NELL1: variants seen among roughly 807,000 people sequenced by gnomAD.
NELL1 encodes protein kinase C-binding protein NELL1.
NELL1 carries 76 observed loss-of-function variants against 107.4 expected under a neutral mutation model. That is an observed-to-expected ratio of 0.71 (90% CI 0.59 to 0.86). The LOEUF is 0.86. Ranked by LOEUF, NELL1 falls within the 40% of genes least tolerant of loss-of-function variation. NELL1 has a pLI of 0.00. For missense variants in NELL1, 1,024 were observed against 1,005.5 expected (o/e 1.02, Z -0.25); for synonymous variants, 353 against 341.2 (o/e 1.03, Z -0.38).
At chr11:21,030,486 C>T (rs1260930847) in intron 12 of NELL1, among the ~76,000 whole-genome samples, 1 of 152,142 alleles carries the variant, frequency 6.6e-6, no homozygotes, top group African/African-American at 2.4e-5. Flanking sequence ...TTTTCAGTTA[C>T]ATATTGGAGG....
chr11:21,275,724 T>C (rs1398835620), intron 14 of NELL1, among the ~76,000 whole-genome samples: 1 of 152,200 alleles, frequency 6.6e-6, no homozygotes, highest in Non-Finnish European at 1.5e-5. Context: ...GCTTCATCTC[T>C]GGGATGCAAG....
intron 15 of NELL1, among the ~76,000 whole-genome samples, chr11:21,460,239 T>C (rs1352180945): frequency 6.6e-6 from 1 of 151,976 alleles, no homozygotes; most frequent in African/African-American, 2.4e-5. Flanking sequence ...TAAATGTTTG[T>C]TGATTGGAAG....
At chr11:20,850,471 T>G (rs751902933) in intron 4 of NELL1, among the ~76,000 whole-genome samples, 2 of 152,248 alleles carry the variant, frequency 1.3e-5, no homozygotes, top group Non-Finnish European at 2.9e-5. Flanking sequence ...ATACTCATTC[T>G]ATTAGTTTTT....
At chr11:21,275,602 G>A (rs896476890) in intron 14 of NELL1, among the ~76,000 whole-genome samples, 1 of 152,168 alleles carries the variant, frequency 6.6e-6, no homozygotes, top group African/African-American at 2.4e-5. Context: ...AACAAAAAAA[G>A]AGAATTTTAG....
chr11:21,537,794 AT>A (rs1259620334), intron 16 of NELL1, among the ~76,000 whole-genome samples: 7 of 152,092 alleles, frequency 4.6e-5, no homozygotes, highest in Non-Finnish European at 8.8e-5. Flanking sequence ...TTTATTTTCT[AT>A]TTTGTTTGAT....
At chr11:20,981,652 T>G (rs1260005112) in intron 12 of NELL1, among the ~76,000 whole-genome samples, 1 of 152,178 alleles carries the variant, frequency 6.6e-6, no homozygotes, top group African/African-American at 2.4e-5. Context: ...CCTAAAACAT[T>G]TGCCTTGGCC....
intron 3 of NELL1, among the ~76,000 whole-genome samples, chr11:20,839,727 C>T (rs901324645): frequency 6.6e-6 from 1 of 152,194 alleles, no homozygotes; most frequent in African/African-American, 2.4e-5. Context: ...GGATTGATCA[C>T]AAGATATCTG....
intron 4 of NELL1, 104 bp downstream of exon 4, chr11:20,847,857 C>G: frequency 8.3e-7 from 1 of 1,209,906 alleles, no homozygotes; most frequent in Non-Finnish European, 1.1e-6. Flanking sequence ...GAAACAAACA[C>G]CAAGGGACCC....
chr11:20,882,381 A>G (rs780637048), intron 4 of NELL1, among the ~76,000 whole-genome samples: 5 of 152,168 alleles, frequency 3.3e-5, no homozygotes, highest in African/African-American at 1.2e-4. Flanking sequence ...GTTTACATAC[A>G]TTATGGACCT....
chr11:21,538,010 A>G (rs1243515518), intron 16 of NELL1, among the ~76,000 whole-genome samples: 1 of 152,174 alleles, frequency 6.6e-6, no homozygotes, highest in Non-Finnish European at 1.5e-5. Flanking sequence ...GATCTTAATA[A>G]CATAGCTTAA....
chr11:21,001,537 A>T (rs1852221087), intron 12 of NELL1, among the ~76,000 whole-genome samples: 1 of 151,790 alleles, frequency 6.6e-6, no homozygotes, highest in Non-Finnish European at 1.5e-5. Context: ...CTGGAGTTAC[A>T]TTCCAGATAT....
chr11:21,060,460 A>G (rs532225714), intron 12 of NELL1, among the ~76,000 whole-genome samples: 3 of 151,782 alleles, frequency 2.0e-5, no homozygotes, highest in African/African-American at 7.3e-5. Flanking sequence ...ATTATGGGGG[A>G]TTGTCTTTGT....
intron 12 of NELL1, among the ~76,000 whole-genome samples, chr11:20,970,083 C>CCATCCATCCATCCATCTATT (rs1851467705): frequency 6.6e-6 from 1 of 151,878 alleles, no homozygotes; most frequent in South Asian, 2.1e-4. Flanking sequence ...ATCCATCCAT[C>CCATCCATCCATCCATCTATT]CATCCATCCA....
intron 12 of NELL1, among the ~76,000 whole-genome samples, chr11:21,103,680 G>A (rs1854877978): frequency 6.6e-6 from 1 of 152,188 alleles, no homozygotes; most frequent in African/African-American, 2.4e-5. Context: ...CTTACATCTT[G>A]TTTACTCTTG....
intron 14 of NELL1, among the ~76,000 whole-genome samples, chr11:21,366,232 C>T (rs555258203): frequency 2.0e-4 from 30 of 152,106 alleles, no homozygotes; most frequent in African/African-American, 5.3e-4. Flanking sequence ...AGAAGAAGGC[C>T]GACTTATCCG....
Position 21,575,066 on chromosome 11 carries a change from C to G in NELL1, c.*44C>G, listed in dbSNP as rs1449863534. 2.0e-6 allele frequency: 3 copies of G among 1,492,474 alleles called. No homozygotes were observed. Among genetic ancestry groups the G allele is most frequent in the East Asian group, 4.6e-5 (2 of 43,898 alleles). The allele number at this position is 1,492,474 out of a possible 1,614,324, so 92.5% of individuals were successfully genotyped here. A position where few individuals can be genotyped will look rare whatever the true frequency, so the allele number is the denominator to read the frequency against. Reference sequence around the variant, plus strand: ...AACGCAGAAGAATGGACGAAATGACCATCCAACGTGATTAAGGATAGGAAT... The same window carrying G: ...AACGCAGAAGAATGGACGAAATGACGATCCAACGTGATTAAGGATAGGAAT... On this transcript the variant is annotated 3_prime_UTR_variant, in exon 20 of 20. Transcript: ENST00000357134.
At chr11:21,255,932 A>T (rs1457908599) in intron 14 of NELL1, among the ~76,000 whole-genome samples, 1 of 151,886 alleles carries the variant, frequency 6.6e-6, no homozygotes, top group African/African-American at 2.4e-5. Flanking sequence ...TTCTTTTTAA[A>T]TTCCTTTAGC....
intron 14 of NELL1, among the ~76,000 whole-genome samples, chr11:21,348,974 C>T (rs1475137816): frequency 4.6e-5 from 7 of 152,198 alleles, no homozygotes; most frequent in East Asian, 1.9e-4. Flanking sequence ...TAAGTAATTA[C>T]GAAGAGCCTT....
At chr11:21,288,253 A>G (rs117309330) in intron 14 of NELL1, among the ~76,000 whole-genome samples, 3,658 of 152,242 alleles carry the variant, frequency 0.024, 64 homozygotes, top group Admixed American at 0.039. Context: ...CTATGAAACT[A>G]TCTTACAAAA....
Sources: gnomAD v4.1 joint callset for allele counts (sites outside exome capture counted in the v4.1 genomes callset) on GRCh38, gnomAD v4.1.1 for gene constraint, MANE v1.5 for transcripts, NCBI Gene and HGNC (gene_info 2026-07-23, HGNC 2026-07-21) for gene names.